The following KCTD1 variants were observed in gnomAD, a reference collection of about 807,000 sequenced individuals.
The protein encoded by KCTD1 is potassium channel tetramerization domain containing 1, also known as BTB/POZ domain-containing protein KCTD1.
Under a neutral mutation model 66.0 loss-of-function variants are expected in KCTD1, and 24 were observed. The ratio of observed to expected loss-of-function variants is 0.36; its 90% confidence interval spans 0.26 to 0.51. The LOEUF (loss-of-function observed/expected upper bound fraction) is 0.51. Ranked by LOEUF, KCTD1 falls within the 20% of genes least tolerant of loss-of-function variation. KCTD1 has a pLI of 0.95. For synonymous variants in KCTD1, 511 were observed against 517.2 expected, an observed-to-expected ratio of 0.99 and a Z score of 0.16; for missense variants, 943 against 1,205.2, an observed-to-expected ratio of 0.78 and a Z score of 3.22.
chr18:26,528,859 C>T (rs75611573), intron 1 of KCTD1, among the ~76,000 whole-genome samples: 10,944 of 152,252 alleles, frequency 0.072, 469 homozygotes, highest in African/African-American at 0.098. Context: ...TCTATGCCGG[C>T]AACACTTTTT....
At chr18:26,509,615 T>G (rs1983231776) in intron 1 of KCTD1, among the ~76,000 whole-genome samples, 1 of 152,154 alleles carries the variant, frequency 6.6e-6, no homozygotes, top group Non-Finnish European at 1.5e-5. Flanking sequence ...CATCTAAAAT[T>G]AAGTCATCCA....
chr18:26,486,689 TC>T (rs1290137197), intron 2 of KCTD1, among the ~76,000 whole-genome samples: 1 of 152,148 alleles, frequency 6.6e-6, no homozygotes, highest in East Asian at 1.9e-4. Context: ...GCCCCGTCTC[TC>T]CCTATTTTTT....
chr18:26,622,412 T>C (rs551735685), intron 1 of KCTD1, among the ~76,000 whole-genome samples: 1 of 152,302 alleles, frequency 6.6e-6, no homozygotes, highest in African/African-American at 2.4e-5. Context: ...TCAAAGTCAT[T>C]TCTCCTCCCC....
chr18:26,478,520 G>T (rs1981463519), intron 2 of KCTD1, among the ~76,000 whole-genome samples: 1 of 152,196 alleles, frequency 6.6e-6, no homozygotes, highest in African/African-American at 2.4e-5. Context: ...CAGTGATCTT[G>T]TCACTTTAGT....
rs141791825 is a variant in KCTD1, at chr18:26,650,887, T to A, written c.9+6473A>T. On this transcript the variant is annotated intron_variant, in intron 1 of 4. Coordinates refer to the KCTD1 transcript ENST00000580191. ...CTCTAGCCAGCATTTGAAATCTATCTCGTTAACATTCTCTTCAGTTCATAA... is the reference window on the plus strand; with the variant it reads ...CTCTAGCCAGCATTTGAAATCTATCACGTTAACATTCTCTTCAGTTCATAA... Among the ~76,000 whole-genome samples, 213 of 152,388 alleles carry A rather than the reference T, an allele frequency of 1.4e-3. 3 individuals carry two copies. In the East Asian group the frequency reaches 0.037, roughly 27 times the overall value.
At chr18:26,632,878 C>G (rs964789763), upstream of KCTD1, among the ~76,000 whole-genome samples, 11 of 151,832 alleles carry the variant, frequency 7.2e-5, no homozygotes, top group Non-Finnish European at 8.8e-5. Flanking sequence ...ATCAATTATT[C>G]CAAAGAAATA....
chr18:26,459,929 G>GAA lies in KCTD1; in HGVS notation c.2134-6_2134-5dup, dbSNP rs754214648. On this transcript the variant is annotated splice_region_variant and splice_polypyrimidine_tract_variant and intron_variant, in intron 3 of 4. Transcript: ENST00000580059. ...CTTCATATAACAAAGTGTAGTCCTG[G>GAA]AAAAAAAAAAGGTATTTCACAGTGC... The GAA allele has an allele frequency of 4.2e-6, 6 of 1,412,866 alleles. No homozygotes were observed. The highest frequency in any genetic ancestry group is 2.5e-5 in the East Asian group (1 of 39,436). 87.5% of individuals were successfully genotyped at this position (1,412,866 alleles called of 1,614,324 possible). A position where few individuals can be genotyped will look rare whatever the true frequency, so the allele number is the denominator to read the frequency against.
At chr18:26,516,871 A>G (rs1400840581) in intron 1 of KCTD1, among the ~76,000 whole-genome samples, 1 of 152,162 alleles carries the variant, frequency 6.6e-6, no homozygotes, top group Non-Finnish European at 1.5e-5. Context: ...TTGATTTGTT[A>G]CCTACCCATC....
chr18:26,588,908 G>A (rs1986533040), intron 1 of KCTD1, among the ~76,000 whole-genome samples: 2 of 152,176 alleles, frequency 1.3e-5, no homozygotes, highest in Non-Finnish European at 2.9e-5. Flanking sequence ...GTGTTGCTTT[G>A]GATGAAATAT....
intron 1 of KCTD1, among the ~76,000 whole-genome samples, chr18:26,639,901 A>C (rs974307957): frequency 1.3e-5 from 2 of 152,228 alleles, no homozygotes; most frequent in African/African-American, 2.4e-5. Flanking sequence ...CATAGAATCA[A>C]TACACACGTG....
At chr18:26,497,429 T>C (rs1050429169) in intron 2 of KCTD1, among the ~76,000 whole-genome samples, 2 of 152,124 alleles carry the variant, frequency 1.3e-5, no homozygotes, top group African/African-American at 4.8e-5. Context: ...TGTGATTCCA[T>C]GGCCATGGGC....
At chr18:26,588,313 G>A (rs1986516301) in intron 1 of KCTD1, among the ~76,000 whole-genome samples, 1 of 151,840 alleles carries the variant, frequency 6.6e-6, no homozygotes, top group Non-Finnish European at 1.5e-5. Flanking sequence ...GGAAGGGAAG[G>A]GAAGGGAAGG....
intron 2 of KCTD1, among the ~76,000 whole-genome samples, chr18:26,483,889 G>C (rs1044279814): frequency 2.6e-5 from 4 of 152,182 alleles, no homozygotes; most frequent in Non-Finnish European, 5.9e-5. Flanking sequence ...TTTCTGCTGA[G>C]ATGAGAGAGG....
chr18:26,657,152 G>C (rs990692281), intron 1 of KCTD1, among the ~76,000 whole-genome samples: 12 of 151,802 alleles, frequency 7.9e-5, no homozygotes, highest in Admixed American at 7.2e-4. Flanking sequence ...GCCGAGAACC[G>C]GGAGCGGCAG....
At chr18:26,643,757 T>A (rs1217838344), upstream of KCTD1, among the ~76,000 whole-genome samples, 2 of 152,178 alleles carry the variant, frequency 1.3e-5, no homozygotes, top group Non-Finnish European at 2.9e-5. Context: ...GGTCAGGAGA[T>A]GGAGACCATC....
At chr18:26,649,133 A>G (rs1248853703) in intron 1 of KCTD1, among the ~76,000 whole-genome samples, 3 of 152,204 alleles carry the variant, frequency 2.0e-5, no homozygotes, top group African/African-American at 4.8e-5. Flanking sequence ...AGGACTTCAC[A>G]TGGGTCTTCA....
At chr18:26,591,043 T>C (rs536139013) in intron 1 of KCTD1, among the ~76,000 whole-genome samples, 1 of 152,278 alleles carries the variant, frequency 6.6e-6, no homozygotes, top group East Asian at 1.9e-4. Context: ...TCACTGAATT[T>C]TTTTTTCAAT....
chr18:26,524,580 A>C (rs1984067472), intron 1 of KCTD1, among the ~76,000 whole-genome samples: 1 of 152,184 alleles, frequency 6.6e-6, no homozygotes, highest in African/African-American at 2.4e-5. Flanking sequence ...ATATTGTTCA[A>C]TTTTTCCCTA....
Position 26,544,330 on chromosome 18 carries a change from A to G in KCTD1, c.1809+2398T>C, listed in dbSNP as rs997022547. 3 of 152,338 alleles carry G rather than the reference A, an allele frequency of 2.0e-5. No homozygotes were observed. In the East Asian group the frequency reaches 5.8e-4, roughly 29 times the overall value. 9.4% of individuals were successfully genotyped at this position (152,338 alleles called of 1,614,324 possible). On this transcript the variant is annotated intron_variant, in intron 1 of 4. Transcript: ENST00000580059. Reference sequence around the variant, plus strand: ...TTTTTTAACCAGTCCCATAAATAATATACTTAACAACACCCTCAAGAAGTA... The same window carrying G: ...TTTTTTAACCAGTCCCATAAATAATGTACTTAACAACACCCTCAAGAAGTA...
Sources: gnomAD v4.1 joint callset for allele counts (sites outside exome capture counted in the v4.1 genomes callset) on GRCh38, gnomAD v4.1.1 for gene constraint, MANE v1.5 for transcripts, NCBI Gene and HGNC (gene_info 2026-07-23, HGNC 2026-07-21) for gene names.